EHBP1: variants seen among roughly 807,000 people sequenced by gnomAD.
The protein encoded by EHBP1 is EH domain binding protein 1, also known as EH domain-binding protein 1.
In EHBP1, 55 loss-of-function variants were observed where a neutral mutation model predicts 144.0. The ratio of observed to expected loss-of-function variants is 0.38; its 90% CI spans 0.31 to 0.48. The LOEUF (loss-of-function observed/expected upper bound fraction) is 0.48. EHBP1 is among the 20% of genes least tolerant of loss of function. The pLI, the probability that EHBP1 is intolerant of heterozygous loss-of-function variation, is 0.98. For synonymous variants in EHBP1, 469 were observed against 472.7 expected (o/e 0.99, Z 0.10); for missense variants, 1,200 against 1,364.2 (o/e 0.88, Z 1.90).
At chr2:62,931,150 A>G (rs937220088) in intron 10 of EHBP1, among the ~76,000 whole-genome samples, 4 of 152,236 alleles carry the variant, frequency 2.6e-5, no homozygotes, top group African/African-American at 9.6e-5. Flanking sequence ...TATATCCAGC[A>G]TATATAGGAA....
At chr2:62,742,639 T>C (rs1467716306) in intron 2 of EHBP1, among the ~76,000 whole-genome samples, 1 of 151,960 alleles carries the variant, frequency 6.6e-6, no homozygotes, top group African/African-American at 2.4e-5. Context: ...TTGAAGGAGC[T>C]ACCAAAAAAG....
intron 2 of EHBP1, among the ~76,000 whole-genome samples, chr2:62,746,127 C>G (rs1412239310): frequency 6.6e-6 from 1 of 152,022 alleles, no homozygotes; most frequent in African/African-American, 2.4e-5. Flanking sequence ...CATTTGTTGG[C>G]TACTGTTCTC....
chr2:62,843,423 A>G (rs1331695302), intron 7 of EHBP1, among the ~76,000 whole-genome samples: 1 of 152,140 alleles, frequency 6.6e-6, no homozygotes, highest in Non-Finnish European at 1.5e-5. Flanking sequence ...TTCTAAAAGG[A>G]ATGAATGTAA....
At chr2:62,749,434 T>C (rs2039465565) in intron 3 of EHBP1, among the ~76,000 whole-genome samples, 1 of 152,200 alleles carries the variant, frequency 6.6e-6, no homozygotes, top group African/African-American at 2.4e-5. Context: ...TGAATAGTGC[T>C]GCAGTAAACA....
chr2:62,949,215 T>G, intron 13 of EHBP1, 53 bp downstream of exon 13: 1 of 1,406,698 alleles, frequency 7.1e-7, no homozygotes, highest in Middle Eastern at 1.9e-4. Flanking sequence ...TATTCTCTGT[T>G]TTTGTTTCTT....
intron 5 of EHBP1, among the ~76,000 whole-genome samples, chr2:62,801,338 T>A (rs2043970750): frequency 6.6e-6 from 1 of 152,248 alleles, no homozygotes; most frequent in Admixed American, 6.5e-5. Flanking sequence ...GACTGCTGAC[T>A]GCCTCTGGAG....
chr2:62,868,926 C>G (rs1465499764), intron 9 of EHBP1, among the ~76,000 whole-genome samples: 2 of 152,020 alleles, frequency 1.3e-5, no homozygotes, highest in African/African-American at 4.8e-5. Context: ...TGCACTCCAG[C>G]CTGGGCAACG....
At chr2:62,859,380 AC>A in intron 8 of EHBP1, 89 bp downstream of exon 8, 1 of 1,251,584 alleles carries the variant, frequency 8.0e-7, no homozygotes, top group Non-Finnish European at 1.1e-6. Context: ...TCAGAGACTA[AC>A]ACACAAAAAA....
chr2:62,766,476 C>T (rs2041198947), intron 4 of EHBP1, among the ~76,000 whole-genome samples: 1 of 152,132 alleles, frequency 6.6e-6, no homozygotes, highest in Non-Finnish European at 1.5e-5. Context: ...CATCTCCCAT[C>T]CGTGTATGCT....
At chr2:62,804,994 G>A (rs1458568714) in intron 5 of EHBP1, among the ~76,000 whole-genome samples, 2 of 152,212 alleles carry the variant, frequency 1.3e-5, no homozygotes, top group African/African-American at 4.8e-5. Flanking sequence ...TGTCTTCCAT[G>A]AAACTGGTCT....
intron 10 of EHBP1, among the ~76,000 whole-genome samples, chr2:62,933,356 T>A (rs1298940614): frequency 6.6e-6 from 1 of 152,160 alleles, no homozygotes; most frequent in African/African-American, 2.4e-5. Flanking sequence ...CCTTATCAAA[T>A]ATATAATGTT....
chr2:62,778,940 A>G (rs750814423), intron 5 of EHBP1, among the ~76,000 whole-genome samples: 12 of 151,996 alleles, frequency 7.9e-5, no homozygotes, highest in African/African-American at 1.7e-4. Flanking sequence ...TATCTTTTTC[A>G]GAAACTGTAG....
chr2:62,742,392 T>G (rs1366212163), intron 2 of EHBP1, among the ~76,000 whole-genome samples: 22 of 152,128 alleles, frequency 1.4e-4, no homozygotes, highest in Admixed American at 1.4e-3. Context: ...TATGTCATCT[T>G]TGAAAGGTCT....
intron 1 of EHBP1, among the ~76,000 whole-genome samples, chr2:62,697,221 TA>T (rs1307409283): frequency 2.6e-5 from 4 of 152,242 alleles, no homozygotes; most frequent in Non-Finnish European, 5.9e-5. Flanking sequence ...AGACATAACT[TA>T]AAAAAATCAA....
chr2:62,971,056 A>G (rs1397174226), intron 14 of EHBP1, among the ~76,000 whole-genome samples: 1 of 152,212 alleles, frequency 6.6e-6, no homozygotes, highest in Admixed American at 6.5e-5. Flanking sequence ...TAAATTGTCA[A>G]GTTTTACTAG....
upstream of EHBP1, among the ~76,000 whole-genome samples, chr2:62,704,357 T>G (rs917597809): frequency 7.9e-5 from 12 of 152,200 alleles, no homozygotes; most frequent in African/African-American, 2.9e-4. Flanking sequence ...TTCTTCAACA[T>G]GTCTCTCCAC....
chr2:62,814,114 C>G (rs1454778228), intron 5 of EHBP1, among the ~76,000 whole-genome samples: 1 of 152,170 alleles, frequency 6.6e-6, no homozygotes, highest in Non-Finnish European at 1.5e-5. Context: ...CCCCAAAGTT[C>G]CTGTGTTGGA....
At chr2:62,824,457 A>AT (rs1348530170) in intron 5 of EHBP1, among the ~76,000 whole-genome samples, 2 of 151,932 alleles carry the variant, frequency 1.3e-5, no homozygotes, top group Non-Finnish European at 2.9e-5. Flanking sequence ...ATACTTTTTC[A>AT]TTTTGCTCAT....
intron 19 of EHBP1, among the ~76,000 whole-genome samples, chr2:63,013,522 C>A (rs1453536916): frequency 6.6e-6 from 1 of 152,090 alleles, no homozygotes; most frequent in Admixed American, 6.6e-5. Flanking sequence ...TTGAAACCCC[C>A]CCAAAAGACA....
Sources: allele counts gnomAD v4.1 joint callset (sites outside exome capture counted in the v4.1 genomes callset), GRCh38; gene constraint gnomAD v4.1.1; transcripts MANE v1.5; gene names NCBI Gene and HGNC (gene_info 2026-07-23, HGNC 2026-07-21).